GRID1: variants seen among roughly 807,000 people sequenced by gnomAD.
The protein encoded by GRID1 is glutamate ionotropic receptor delta type subunit 1, also known as glutamate receptor ionotropic, delta-1.
In GRID1, 28 loss-of-function variants were observed where a neutral mutation model predicts 98.0. That is an observed-to-expected ratio of 0.29 (90% CI 0.21 to 0.39). The LOEUF is 0.39. GRID1 is among the 10% of genes least tolerant of loss of function. GRID1 has a pLI of 1.00. For missense variants in GRID1, 1,111 were observed against 1,340.5 expected, an observed-to-expected ratio of 0.83 and a Z score of 2.67; for synonymous variants, 553 against 538.5, an observed-to-expected ratio of 1.03 and a Z score of -0.37.
At chr10:85,762,117 T>A (rs1205762201) in intron 8 of GRID1, among the ~76,000 whole-genome samples, 1 of 152,202 alleles carries the variant, frequency 6.6e-6, no homozygotes, top group Non-Finnish European at 1.5e-5. Context: ...GACACTCAAT[T>A]ACAACATGTA....
intron 12 of GRID1, among the ~76,000 whole-genome samples, chr10:85,715,475 A>T (rs1401625692): frequency 1.3e-5 from 2 of 152,204 alleles, no homozygotes; most frequent in Non-Finnish European, 2.9e-5. Flanking sequence ...ATAATGTGCT[A>T]ATATCCAAAA....
chr10:86,323,357 G>A (rs150355900), intron 2 of GRID1, among the ~76,000 whole-genome samples: 142 of 152,356 alleles, frequency 9.3e-4, no homozygotes, highest in African/African-American at 3.2e-3. Flanking sequence ...TAAAGCACTG[G>A]TGCAGAGCAC....
chr10:86,286,599 C>G (rs539018049), intron 2 of GRID1, among the ~76,000 whole-genome samples: 1 of 152,338 alleles, frequency 6.6e-6, no homozygotes, highest in East Asian at 1.9e-4. Flanking sequence ...AGATAGGAAA[C>G]ACTTCTCAGT....
At chr10:85,833,358 C>G (rs1051338984) in intron 8 of GRID1, among the ~76,000 whole-genome samples, 1 of 152,112 alleles carries the variant, frequency 6.6e-6, no homozygotes, top group African/African-American at 2.4e-5. Context: ...TCTTGGGAAT[C>G]ACAAAGAAAG....
At chr10:86,069,540 C>T (rs1161956802) in intron 4 of GRID1, among the ~76,000 whole-genome samples, 1 of 152,084 alleles carries the variant, frequency 6.6e-6, no homozygotes, top group Non-Finnish European at 1.5e-5. Flanking sequence ...TCCAGCTACT[C>T]AGGAGGCTGA....
At chr10:86,096,042 T>C (rs1844216821) in intron 4 of GRID1, among the ~76,000 whole-genome samples, 1 of 152,176 alleles carries the variant, frequency 6.6e-6, no homozygotes, top group Non-Finnish European at 1.5e-5. Flanking sequence ...TTAACAACAT[T>C]TGCAGTGACC....
chr10:85,927,248 T>C (rs1478127685), intron 4 of GRID1, among the ~76,000 whole-genome samples: 1 of 152,230 alleles, frequency 6.6e-6, no homozygotes, highest in Non-Finnish European at 1.5e-5. Flanking sequence ...GAGGCAGATG[T>C]GGCATCATCT....
intron 2 of GRID1, among the ~76,000 whole-genome samples, chr10:86,298,830 C>G (rs1847634999): frequency 6.6e-6 from 1 of 152,178 alleles, no homozygotes; most frequent in South Asian, 2.1e-4. Flanking sequence ...AGGCCCGGTG[C>G]TGAGCTCTGG....
rs76834208 is a variant in GRID1, at chr10:85,996,779, A to C, written c.727-80540T>G. On this transcript the variant is annotated intron_variant, in intron 4 of 15. Coordinates refer to ENST00000327946, the MANE Select transcript of GRID1 (RefSeq NM_017551.3). Reference sequence around the variant, plus strand: ...AGGAGGTAGAGGTTGCAGTGAGCTGAGATCATGCTATTGCACTTCAGCATG... The same window carrying C: ...AGGAGGTAGAGGTTGCAGTGAGCTGCGATCATGCTATTGCACTTCAGCATG... 3.3e-5 allele frequency among the ~76,000 whole-genome samples: 5 copies of C among 151,192 alleles called. No homozygotes were observed. The East Asian group carries it at 7.8e-4, about 24-fold the overall frequency.
At chr10:85,638,789 A>G (rs1316192881) in intron 13 of GRID1, among the ~76,000 whole-genome samples, 2 of 152,236 alleles carry the variant, frequency 1.3e-5, no homozygotes, top group Admixed American at 1.3e-4. Flanking sequence ...CACACATTTT[A>G]TGAAAGAAGA....
rs1298701410 is a variant in GRID1, at chr10:85,600,815, C to T, written c.*1458G>A. On this transcript the variant is annotated 3_prime_UTR_variant, in exon 16 of 16. Coordinates refer to ENST00000327946, the MANE Select transcript of GRID1 (RefSeq NM_017551.3). Reference sequence around the variant, plus strand: ...GTGGTCCTAGGCTTAGAAAACTGGGCTTCCCTGCAGCTGTACCTGCACAGG... The same window carrying T: ...GTGGTCCTAGGCTTAGAAAACTGGGTTTCCCTGCAGCTGTACCTGCACAGG... 1.3e-5 allele frequency: 2 copies of T among 152,210 alleles called. No homozygotes were observed. The highest frequency in any genetic ancestry group is 2.9e-5 in the Non-Finnish European group (2 of 68,054). The allele number at this position is 152,210 out of a possible 1,614,324, so 9.4% of individuals were successfully genotyped here.
intron 4 of GRID1, among the ~76,000 whole-genome samples, chr10:85,944,209 C>G (rs1395004163): frequency 6.6e-6 from 1 of 152,182 alleles, no homozygotes; most frequent in Non-Finnish European, 1.5e-5. Flanking sequence ...AAACTGGTGG[C>G]CCACAGAATT....
At chr10:86,181,927 AAAGGTACACAAT>A (rs2132001819) in intron 3 of GRID1, among the ~76,000 whole-genome samples, 1 of 152,326 alleles carries the variant, frequency 6.6e-6, no homozygotes, top group Admixed American at 6.5e-5. Context: ...CTAGCATGCA[AAAGGTACACAAT>A]AAATACTCAT....
intron 8 of GRID1, among the ~76,000 whole-genome samples, chr10:85,752,186 T>G (rs1440264540): frequency 6.6e-6 from 1 of 152,278 alleles, no homozygotes. Flanking sequence ...TGAGTTAGAA[T>G]TGGTGGGAAA....
intron 5 of GRID1, among the ~76,000 whole-genome samples, chr10:85,886,830 T>C (rs1350450667): frequency 6.6e-6 from 1 of 152,160 alleles, no homozygotes; most frequent in African/African-American, 2.4e-5. Context: ...TTCAGTAAAA[T>C]TTTGGAAAGT....
intron 2 of GRID1, among the ~76,000 whole-genome samples, chr10:86,250,731 G>T (rs1202339711): frequency 6.6e-6 from 1 of 151,694 alleles, no homozygotes; most frequent in African/African-American, 2.4e-5. Flanking sequence ...GAGGTGGGGG[G>T]CGCCTCTGCC....
chr10:85,924,830 G>A (rs979332093), intron 4 of GRID1, among the ~76,000 whole-genome samples: 2 of 152,160 alleles, frequency 1.3e-5, no homozygotes, highest in Non-Finnish European at 2.9e-5. Context: ...GTCTGAGCTC[G>A]ACAGCCAGTC....
At chr10:86,317,784 AG>A (rs1212050584) in intron 2 of GRID1, among the ~76,000 whole-genome samples, 1 of 152,182 alleles carries the variant, frequency 6.6e-6, no homozygotes, top group Non-Finnish European at 1.5e-5. Context: ...TCTGTCATCC[AG>A]GCTGGAGTGA....
At chr10:86,074,260 C>A (rs1029089060) in intron 4 of GRID1, among the ~76,000 whole-genome samples, 2 of 152,022 alleles carry the variant, frequency 1.3e-5, no homozygotes, top group Admixed American at 6.6e-5. Context: ...TGAATTTATT[C>A]CTTCTATCTT....
Sources: allele counts gnomAD v4.1 joint callset (sites outside exome capture counted in the v4.1 genomes callset), GRCh38; gene constraint gnomAD v4.1.1; transcripts MANE v1.5; gene names NCBI Gene and HGNC (gene_info 2026-07-23, HGNC 2026-07-21).